Variants in TRUB2 observed in about 807,000 individuals in gnomAD.
TRUB2 encodes pseudouridylate synthase TRUB2, mitochondrial.
A neutral mutation model predicts 31.9 loss-of-function variants in TRUB2; 31 were observed. That is an observed-to-expected ratio of 0.97 (90% CI 0.73 to 1.31). The LOEUF (loss-of-function observed/expected upper bound fraction) is 1.31, where lower values mean the gene tolerates loss of function less well. TRUB2 is among the 50% of genes most tolerant of loss of function. The pLI is 0.00. For missense variants in TRUB2, 451 were observed against 439.6 expected, an observed-to-expected ratio of 1.03 and a Z score of -0.23; for synonymous variants, 201 against 182.6, an observed-to-expected ratio of 1.10 and a Z score of -0.81.
rs779663936 is a variant in TRUB2, at chr9:128,322,392, A to G, written c.17T>C (p.Leu6Ser). 4 of 1,614,098 alleles carry G rather than the reference A, an allele frequency of 2.5e-6. No individual in the cohort carries two copies. Among genetic ancestry groups the G allele is most frequent in the Non-Finnish European group, 3.4e-6 (4 of 1,180,026 alleles). MGSAGLSRLHGLFAVY... is the reference protein window; with the variant it reads MGSAGSSRLHGLFAVY... Reference sequence around the variant, plus strand: ...CGCGAAAAGCCCATGCAGCCGCGACAAGCCAGCAGACCCCATACTTGAAGA... The same window carrying G: ...CGCGAAAAGCCCATGCAGCCGCGACGAGCCAGCAGACCCCATACTTGAAGA... Residue 6 changes from leucine to serine, a missense_variant, in exon 1 of 8, where the codon TTG becomes TCG. Transcript: ENST00000372890.
At chr9:128,314,848 G>T (rs1275321112) in intron 4 of TRUB2, among the ~76,000 whole-genome samples, 3 of 152,138 alleles carry the variant, frequency 2.0e-5, no homozygotes, top group African/African-American at 7.2e-5. Context: ...AAAGTACTGG[G>T]ATTACAGGTA....
rs752683904 is a variant in TRUB2 at position 128,309,583 on chromosome 9, A to C, written c.963T>G (p.Ser321=). Residue 321 remains serine, a synonymous_variant, in exon 8 of 8, where the codon TCT becomes TCG. Coordinates refer to ENST00000372890, the MANE Select transcript of TRUB2 (RefSeq NM_015679.3). Reference sequence around the variant, plus strand: ...CCGCACCCCTCTCCAGCCCCAAGGTAGAGCTCGGGCCCTGGGAGTCCCAGG... The same window carrying C: ...CCGCACCCCTCTCCAGCCCCAAGGTCGAGCTCGGGCCCTGGGAGTCCCAGG... ...GWSWDSQGPS[S]TLGLERGAGQ The C allele has an allele frequency of 3.1e-6, 5 of 1,613,116 alleles. No homozygotes were observed. Among genetic ancestry groups the C allele is most frequent in the Non-Finnish European group, 4.2e-6 (5 of 1,179,312 alleles).
In TRUB2 at chr9:128,306,286, A is replaced by C. The variant is rs1831863718; in HGVS notation, c.*3264T>G. On this transcript the variant is annotated 3_prime_UTR_variant, in exon 8 of 8. Transcript: ENST00000372890. ...CATCTCTATGCCAATAAGGGCTCTA[A>C]ATGGGGTGGTGTGACAGCCCATGTG... 6.6e-6 allele frequency: 1 copy of C among 152,182 alleles called. No individual in the cohort carries two copies. Among genetic ancestry groups the C allele is most frequent in the Admixed American group, 6.5e-5 (1 of 15,270 alleles). 9.4% of individuals were successfully genotyped at this position (152,182 alleles called of 1,614,324 possible).
At chr9:128,315,879 T>A (rs1351722977) in intron 3 of TRUB2, 1 of 518,732 alleles carries the variant, frequency 1.9e-6, no homozygotes, top group African/African-American at 1.9e-5. Flanking sequence ...TGCCAAGCTC[T>A]CCACAGGATT....
intron 2 of TRUB2, among the ~76,000 whole-genome samples, chr9:128,320,677 CTGA>C (rs1424817033): frequency 6.6e-6 from 1 of 152,116 alleles, no homozygotes; most frequent in Non-Finnish European, 1.5e-5. Context: ...GTTGCCCAGG[CTGA>C]TGTTAAACTC....
chr9:128,311,782 G>A lies in TRUB2; in HGVS notation c.461-181C>T, dbSNP rs529895748. Reference sequence around the variant, plus strand: ...TCATGAAAGCACTGGACCTCAGAAAGATACTGGATCTCAGAAAGATACACA... The same window carrying A: ...TCATGAAAGCACTGGACCTCAGAAAAATACTGGATCTCAGAAAGATACACA... On this transcript the variant is annotated intron_variant, in intron 5 of 7. Coordinates refer to ENST00000372890, the MANE Select transcript of TRUB2 (RefSeq NM_015679.3). Among the ~76,000 whole-genome samples, 93 of 88,676 alleles carry A rather than the reference G, an allele frequency of 1.0e-3. 1 individual carries two copies. The African/African-American group carries it at 0.02, about 19-fold the overall frequency. 58.2% of individuals were successfully genotyped at this position (88,676 alleles called of 152,430 possible). A position where few individuals can be genotyped will look rare whatever the true frequency, so the allele number is the denominator to read the frequency against.
intron 4 of TRUB2, 26 bp from the exon 5 acceptor site, chr9:128,313,915 C>T (rs368724337): frequency 7.8e-5 from 125 of 1,608,154 alleles, no homozygotes; most frequent in Non-Finnish European, 9.3e-5. Context: ...GGTAAAGATC[C>T]GTCAGTGACC....
rs1235341894 is a variant in TRUB2 at position 128,308,333 on chromosome 9, A to ACCATC, written c.*1212_*1216dup. ...CGGATCACGAGGTCAGGAGATTGAG[A>ACCATC]CCATCCTGGCTAACACGGTGCAACA... On this transcript the variant is annotated 3_prime_UTR_variant, in exon 8 of 8. Transcript: ENST00000372890. 6.6e-6 allele frequency: 1 copy of ACCATC among 151,826 alleles called. No homozygotes were observed. The highest frequency in any genetic ancestry group is 1.5e-5 in the Non-Finnish European group (1 of 68,068). The allele number at this position is 151,826 out of a possible 1,614,324, so 9.4% of individuals were successfully genotyped here. A position where few individuals can be genotyped will look rare whatever the true frequency, so the allele number is the denominator to read the frequency against.
In TRUB2 at chr9:128,308,504, A is replaced by C. The variant is rs1385185365; in HGVS notation, c.*1046T>G. The C allele has an allele frequency of 1.3e-5, 2 of 152,178 alleles. No homozygotes were observed. Among genetic ancestry groups the C allele is most frequent in the African/African-American group, 4.8e-5 (2 of 41,436 alleles). The allele number at this position is 152,178 out of a possible 1,614,324, so 9.4% of individuals were successfully genotyped here. ...AGCCTAGATCGCACCACTGCACTCC[A>C]GCCTGGGCCACAAAGCAAGTCTCAA... On this transcript the variant is annotated 3_prime_UTR_variant, in exon 8 of 8. Coordinates refer to ENST00000372890, the MANE Select transcript of TRUB2 (RefSeq NM_015679.3).
At chr9:128,321,037 T>A (rs1373831008) in intron 2 of TRUB2, among the ~76,000 whole-genome samples, 1 of 152,204 alleles carries the variant, frequency 6.6e-6, no homozygotes, top group East Asian at 1.9e-4. Context: ...TCCACCCTCC[T>A]CGGCCTCTCA....
At chr9:128,310,771 C>A (rs1230279597) in intron 7 of TRUB2, 116 bp downstream of exon 7, 17 of 1,419,982 alleles carry the variant, frequency 1.2e-5, no homozygotes, top group African/African-American at 2.8e-5. Context: ...AGATCAGGGC[C>A]GGCGTGTGCT....
At chr9:128,317,481 GGCGT>G (rs1832089627) in intron 2 of TRUB2, among the ~76,000 whole-genome samples, 1 of 152,182 alleles carries the variant, frequency 6.6e-6, no homozygotes, top group South Asian at 2.1e-4. Context: ...TAAGAAGACT[GGCGT>G]AACACTGAAG....
rs191053241 is a variant in TRUB2 at position 128,310,816 on chromosome 9, A to G, written c.670+71T>C. 3.0e-5 allele frequency: 48 copies of G among 1,593,284 alleles called. No homozygotes were observed. The East Asian group carries it at 7.9e-4, about 26-fold the overall frequency. ...TGAGCCAGACAACAGTGACCTCTGC[A>G]AGAGCGTTCCTGAGTGACTCCCAAA... On this transcript the variant is annotated intron_variant, in intron 7 of 7. Coordinates refer to ENST00000372890, the MANE Select transcript of TRUB2 (RefSeq NM_015679.3).
chr9:128,311,829 C>CTT (rs1564382879), intron 5 of TRUB2, among the ~76,000 whole-genome samples: 10 of 145,878 alleles, frequency 6.9e-5, no homozygotes, highest in African/African-American at 2.6e-4. Flanking sequence ...CAAGGGCACT[C>CTT]TATTTTTTTT....
chr9:128,315,688 C>T lies in TRUB2; in HGVS notation c.317-60G>A, dbSNP rs907590650. 7.8e-6 allele frequency: 12 copies of T among 1,546,176 alleles called. No homozygotes were observed. The African/African-American group carries it at 9.6e-5, about 12-fold the overall frequency. On this transcript the variant is annotated intron_variant, in intron 3 of 7. Transcript: ENST00000372890. ...CCCCCTTCCCATTCCCCTAAGTATC[C>T]CCACCCCTACCCCCACCATCAGAAT...
rs2131436415 is a variant in TRUB2, at chr9:128,305,213, C to T, written c.*4337G>A. On this transcript the variant is annotated 3_prime_UTR_variant, in exon 8 of 8. Coordinates refer to ENST00000372890, the MANE Select transcript of TRUB2 (RefSeq NM_015679.3). ...GTGACAGCTTCAGAGGCCACATTACCCAGTCAGTAAACACAGTAAGCTGAG... is the reference window on the plus strand; with the variant it reads ...GTGACAGCTTCAGAGGCCACATTACTCAGTCAGTAAACACAGTAAGCTGAG... 1 of 152,294 alleles carries T rather than the reference C, an allele frequency of 6.6e-6. No homozygotes were observed. Among genetic ancestry groups the T allele is most frequent in the Middle Eastern group, 3.4e-3 (1 of 294 alleles). The allele number at this position is 152,294 out of a possible 1,614,324, so 9.4% of individuals were successfully genotyped here.
intron 6 of TRUB2, 27 bp from the exon 7 acceptor site, chr9:128,311,050 T>C (rs772275589): frequency 1.2e-6 from 2 of 1,609,206 alleles, no homozygotes; most frequent in Non-Finnish European, 1.7e-6. Context: ...GGGCTGCAGC[T>C]GGGTGGCCCA....
chr9:128,308,844 G>C lies in TRUB2; in HGVS notation c.*706C>G, dbSNP rs1831912125. ...GAGAATCACTTGAACCTGGGAGGCG[G>C]AGGCTGCAGTGAGCAAAGATGGCGC... is the stretch of plus-strand genomic sequence containing the variant. On this transcript the variant is annotated 3_prime_UTR_variant, in exon 8 of 8. Coordinates refer to ENST00000372890, the MANE Select transcript of TRUB2 (RefSeq NM_015679.3). 6.6e-6 allele frequency: 1 copy of C among 152,042 alleles called. No individual in the cohort carries two copies. Among genetic ancestry groups the C allele is most frequent in the South Asian group, 2.1e-4 (1 of 4,822 alleles). 9.4% of individuals were successfully genotyped at this position (152,042 alleles called of 1,614,324 possible).
In TRUB2 at chr9:128,309,882, G is replaced by A. The variant is rs772186645; in HGVS notation, c.671-7C>T. 11 of 1,611,782 alleles carry A rather than the reference G, an allele frequency of 6.8e-6. No individual in the cohort carries two copies. The highest frequency in any genetic ancestry group is 9.3e-6 in the Non-Finnish European group (11 of 1,178,466). On this transcript the variant is annotated splice_polypyrimidine_tract_variant and splice_region_variant and intron_variant, in intron 7 of 7. Transcript: ENST00000372890. The stretch of plus-strand genomic sequence containing the variant: ...TCATGCATGCACTGCACCTCTGCCA[G>A]GGACACACAATGACAGACATGGTGG...
Sources: gnomAD v4.1 joint callset for allele counts (sites outside exome capture counted in the v4.1 genomes callset) on GRCh38, gnomAD v4.1.1 for gene constraint, MANE v1.5 for transcripts, NCBI Gene and HGNC (gene_info 2026-07-23, HGNC 2026-07-21) for gene names.